Variants in EVI5 observed in about 807,000 individuals in gnomAD.
EVI5 encodes the protein ecotropic viral integration site 5.
A neutral mutation model predicts 112.0 loss-of-function variants in EVI5; 73 were observed. That is an observed-to-expected ratio of 0.65 (90% CI 0.54 to 0.79). The LOEUF (loss-of-function observed/expected upper bound fraction) is 0.79, where lower values mean the gene tolerates loss of function less well. Among genes scored for constraint, EVI5 ranks in the 30% least tolerant of loss-of-function variants. EVI5 has a pLI of 0.00. For missense variants in EVI5, 900 were observed against 968.8 expected (o/e 0.93, Z 0.94); for synonymous variants, 305 against 319.9 (o/e 0.95, Z 0.50).
intron 2 of EVI5, among the ~76,000 whole-genome samples, chr1:92,709,058 C>A (rs978766238): frequency 6.6e-6 from 1 of 151,946 alleles, no homozygotes; most frequent in African/African-American, 2.4e-5. Flanking sequence ...TGTGAGTAGA[C>A]AAAACACAAC....
At chr1:92,636,357 C>T in intron 13 of EVI5, 21 bp from the exon 14 acceptor site, 1 of 1,605,092 alleles carries the variant, frequency 6.2e-7, no homozygotes, top group Non-Finnish European at 8.5e-7. Context: ...CAGACATACA[C>T]TGAAATTTCA....
At chr1:92,530,337 G>A (rs924225545) in intron 19 of EVI5, among the ~76,000 whole-genome samples, 8 of 152,134 alleles carry the variant, frequency 5.3e-5, no homozygotes, top group African/African-American at 1.9e-4. Context: ...AGCACCTGGG[G>A]GAAGGGGCGG....
At chr1:92,570,415 G>A (rs377493318) in intron 18 of EVI5, among the ~76,000 whole-genome samples, 20 of 152,220 alleles carry the variant, frequency 1.3e-4, no homozygotes, top group East Asian at 3.9e-4. Flanking sequence ...GAAGAAACCC[G>A]TCTGGATGAG....
intron 9 of EVI5, among the ~76,000 whole-genome samples, chr1:92,692,524 C>T (rs895708871): frequency 2.6e-5 from 4 of 152,098 alleles, no homozygotes; most frequent in East Asian, 1.9e-4. Context: ...GCTCAAAAAT[C>T]GGCTTGGCTT....
chr1:92,545,226 T>C (rs1284449294), intron 19 of EVI5, among the ~76,000 whole-genome samples: 1 of 152,150 alleles, frequency 6.6e-6, no homozygotes, highest in East Asian at 1.9e-4. Context: ...TGTTTATTTT[T>C]AAAAATAACA....
chr1:92,635,037 G>C (rs998107879), intron 14 of EVI5, among the ~76,000 whole-genome samples: 5 of 152,252 alleles, frequency 3.3e-5, no homozygotes, highest in African/African-American at 1.2e-4. Flanking sequence ...TCGTTCCTCT[G>C]GAAGCTTTGT....
At chr1:92,726,924 A>G (rs1015998396) in intron 2 of EVI5, among the ~76,000 whole-genome samples, 1 of 152,198 alleles carries the variant, frequency 6.6e-6, no homozygotes, top group African/African-American at 2.4e-5. Flanking sequence ...GTTATAGCTT[A>G]TAAATCAATA....
intron 10 of EVI5, among the ~76,000 whole-genome samples, chr1:92,671,170 G>A (rs1665815242): frequency 6.6e-6 from 1 of 151,970 alleles, no homozygotes; most frequent in Non-Finnish European, 1.5e-5. Flanking sequence ...TTAGGTTTTA[G>A]TACCTACCAT....
At chr1:92,738,155 AAAT>A (rs1677755415) in intron 1 of EVI5, among the ~76,000 whole-genome samples, 1 of 152,184 alleles carries the variant, frequency 6.6e-6, no homozygotes, top group South Asian at 2.1e-4. Context: ...TATAGGAACC[AAAT>A]AATAATTTAG....
intron 18 of EVI5, among the ~76,000 whole-genome samples, chr1:92,585,195 C>T (rs772469434): frequency 8.9e-5 from 13 of 146,334 alleles, no homozygotes; most frequent in Non-Finnish European, 1.9e-4. Flanking sequence ...TGCACTCTAG[C>T]CTAAGAGACA....
At chr1:92,562,073 G>A (rs1668725432) in intron 19 of EVI5, among the ~76,000 whole-genome samples, 1 of 152,124 alleles carries the variant, frequency 6.6e-6, no homozygotes, top group African/African-American at 2.4e-5. Flanking sequence ...TCCTTATAAT[G>A]AGACATCAAA....
rs553883290 is a variant in EVI5 at position 92,759,127 on chromosome 1, G to A, written c.-81-22500C>T. Among the ~76,000 whole-genome samples, 4 of 152,212 alleles carry A rather than the reference G, an allele frequency of 2.6e-5. No individual in the cohort carries two copies. In the East Asian group the frequency reaches 7.7e-4, roughly 29 times the overall value. ...CGTTCCAGATACTTAGGAGGCTGAG[G>A]AGGGAGAACTGCTTGAGCTCAGGGG... On this transcript the variant is annotated intron_variant, in intron 1 of 19. Coordinates refer to ENST00000684568, the MANE Select transcript of EVI5 (RefSeq NM_001350197.2).
intron 1 of EVI5, among the ~76,000 whole-genome samples, chr1:92,743,515 T>C (rs933260931): frequency 3.9e-5 from 6 of 152,070 alleles, no homozygotes; most frequent in Non-Finnish European, 8.8e-5. Context: ...GTGGTTGCCA[T>C]GGGAAGAGGA....
At chr1:92,650,465 C>CT (rs34872800) in intron 13 of EVI5, among the ~76,000 whole-genome samples, 53,727 of 151,918 alleles carry the variant, frequency 0.35, 11,331 homozygotes, top group African/African-American at 0.58. Flanking sequence ...TGTGAATGGA[C>CT]TTTTTTTCTT....
chr1:92,604,238 T>C (rs1024743346), intron 18 of EVI5, among the ~76,000 whole-genome samples: 9 of 151,836 alleles, frequency 5.9e-5, no homozygotes, highest in Non-Finnish European at 1.0e-4. Context: ...TGTGTGCCTG[T>C]AGTCCCAGGT....
chr1:92,604,755 C>A (rs1416141590), intron 18 of EVI5, among the ~76,000 whole-genome samples: 1 of 152,130 alleles, frequency 6.6e-6, no homozygotes, highest in African/African-American at 2.4e-5. Context: ...TTTATACCAG[C>A]CTCATCACAA....
At chr1:92,619,651 G>C (rs1376630259) in intron 16 of EVI5, among the ~76,000 whole-genome samples, 1 of 151,902 alleles carries the variant, frequency 6.6e-6, no homozygotes, top group Non-Finnish European at 1.5e-5. Context: ...TGGGCACAGT[G>C]GCTCGTGACT....
intron 18 of EVI5, among the ~76,000 whole-genome samples, chr1:92,592,103 C>T (rs959024575): frequency 2.6e-5 from 4 of 152,126 alleles, no homozygotes; most frequent in Non-Finnish European, 5.9e-5. Flanking sequence ...ATTAGCCGGG[C>T]GTGGTAGCAG....
intron 1 of EVI5, among the ~76,000 whole-genome samples, chr1:92,741,231 C>T (rs1359234743): frequency 1.3e-5 from 2 of 152,174 alleles, no homozygotes; most frequent in African/African-American, 2.4e-5. Context: ...AAGTCAAACA[C>T]AGGCAATCTG....
Sources: allele counts gnomAD v4.1 joint callset (sites outside exome capture counted in the v4.1 genomes callset), GRCh38; gene constraint gnomAD v4.1.1; transcripts MANE v1.5; gene names NCBI Gene and HGNC (gene_info 2026-07-23, HGNC 2026-07-21).